STAMBP: variants seen among roughly 807,000 people sequenced by gnomAD.
The protein encoded by STAMBP is STAM binding protein, also known as STAM-binding protein.
A neutral mutation model predicts 50.7 loss-of-function variants in STAMBP; 31 were observed. The observed-to-expected ratio is 0.61, with a 90% CI of 0.46 to 0.83. STAMBP has a LOEUF of 0.83. Among genes scored for constraint, STAMBP ranks in the 40% least tolerant of loss-of-function variants. The pLI is 0.00. For synonymous variants in STAMBP, 211 were observed against 192.4 expected (o/e 1.10, Z -0.80); for missense variants, 472 against 518.9 (o/e 0.91, Z 0.88).
At chr2:73,843,692 A>G (rs560418204) in intron 2 of STAMBP, among the ~76,000 whole-genome samples, 14 of 152,334 alleles carry the variant, frequency 9.2e-5, no homozygotes, top group African/African-American at 3.1e-4. Context: ...TGTGCCTAAT[A>G]TAGAACTGAA....
intron 2 of STAMBP, among the ~76,000 whole-genome samples, chr2:73,839,099 A>T (rs1009262215): frequency 6.6e-6 from 1 of 152,236 alleles, no homozygotes; most frequent in Non-Finnish European, 1.5e-5. Context: ...ACTGAGAATC[A>T]TTGTTCTAGA....
chr2:73,842,232 T>C (rs1355032371), intron 2 of STAMBP, among the ~76,000 whole-genome samples: 1 of 152,104 alleles, frequency 6.6e-6, no homozygotes, highest in African/African-American at 2.4e-5. Flanking sequence ...AAAAGAAAAA[T>C]CCATTCCTGC....
intron 5 of STAMBP, 75 bp from the exon 6 acceptor site, chr2:73,849,287 AG>A (rs1453974851): frequency 6.2e-7 from 1 of 1,607,476 alleles, no homozygotes; most frequent in South Asian, 1.1e-5. Flanking sequence ...TTGCTCCTCC[AG>A]GGCTGCTGGC....
At chr2:73,854,823 A>G (rs1273872885) in intron 7 of STAMBP, among the ~76,000 whole-genome samples, 1 of 152,062 alleles carries the variant, frequency 6.6e-6, no homozygotes, top group Non-Finnish European at 1.5e-5. Flanking sequence ...CCTCATCTCT[A>G]TAAATTAAAA....
At chr2:73,852,693 T>G (rs1205633813) in intron 7 of STAMBP, among the ~76,000 whole-genome samples, 2 of 152,274 alleles carry the variant, frequency 1.3e-5, no homozygotes, top group African/African-American at 4.8e-5. Flanking sequence ...TTTTGTTTTG[T>G]TTTTGAGACG....
intron 2 of STAMBP, among the ~76,000 whole-genome samples, chr2:73,840,590 G>A (rs1461363559): frequency 2.6e-5 from 4 of 151,342 alleles, no homozygotes; most frequent in Non-Finnish European, 4.4e-5. Context: ...CTAAAAATAC[G>A]CAAATTAGCT....
At chr2:73,854,174 T>A (rs555727160) in intron 7 of STAMBP, among the ~76,000 whole-genome samples, 1 of 152,190 alleles carries the variant, frequency 6.6e-6, no homozygotes, top group Non-Finnish European at 1.5e-5. Flanking sequence ...CAAGACAAGA[T>A]TGAATGAACG....
At chr2:73,857,926 T>C (rs949031546) in intron 7 of STAMBP, among the ~76,000 whole-genome samples, 3 of 152,072 alleles carry the variant, frequency 2.0e-5, no homozygotes, top group Non-Finnish European at 4.4e-5. Flanking sequence ...CCTCTCTCAT[T>C]GTATCCTTCA....
downstream of STAMBP, among the ~76,000 whole-genome samples, chr2:73,867,395 T>C (rs946891317): frequency 1.3e-5 from 2 of 152,100 alleles, no homozygotes; most frequent in Admixed American, 6.5e-5. Context: ...AAATACAAAA[T>C]TAGCCAGATG....
chr2:73,836,625 C>T (rs1482370806), intron 2 of STAMBP, among the ~76,000 whole-genome samples: 2 of 152,362 alleles, frequency 1.3e-5, no homozygotes, highest in Non-Finnish European at 2.9e-5. Flanking sequence ...CTCCGCTTGG[C>T]CCGGCACTGC....
At chr2:73,852,733 G>A (rs1468369038) in intron 7 of STAMBP, among the ~76,000 whole-genome samples, 1 of 152,120 alleles carries the variant, frequency 6.6e-6, no homozygotes, top group Non-Finnish European at 1.5e-5. Flanking sequence ...AGGTTGGGGT[G>A]CAGTGGCGCA....
At chr2:73,843,406 G>GCATA (rs1553380271) in intron 2 of STAMBP, among the ~76,000 whole-genome samples, 9 of 129,962 alleles carry the variant, frequency 6.9e-5, no homozygotes, top group African/African-American at 2.3e-4. Context: ...GTTTGTGTAT[G>GCATA]TATATATATA....
Position 73,849,612 on chromosome 2 carries a change from T to G in STAMBP, c.867+125T>G, listed in dbSNP as rs539227467. ...CTCTTTGTACCAAGGAACCGTGGAC[T>G]GCATAATTTCATGTCACTTTGAATT... On this transcript the variant is annotated intron_variant, in intron 6 of 9. Coordinates refer to ENST00000394070, the MANE Select transcript of STAMBP (RefSeq NM_213622.4). The G allele has an allele frequency of 9.5e-6, 12 of 1,262,564 alleles. No homozygotes were observed. In the South Asian group the frequency reaches 1.7e-4, roughly 18 times the overall value. 78.2% of individuals were successfully genotyped at this position (1,262,564 alleles called of 1,614,324 possible). A position where few individuals can be genotyped will look rare whatever the true frequency, so the allele number is the denominator to read the frequency against.
rs1006072205 is a variant in STAMBP at position 73,832,108 on chromosome 2, T to TATATATATATATAC, written c.203+1050_203+1051insTATATATATATACA. ...ACATATATATATATATATATATATA[T>TATATATATATATAC]ACACATATATATGGTGCACAATTCA... On this transcript the variant is annotated intron_variant, in intron 2 of 9. Coordinates refer to ENST00000394070, the MANE Select transcript of STAMBP (RefSeq NM_213622.4). 3.8e-3 allele frequency among the ~76,000 whole-genome samples: 470 copies of TATATATATATATAC among 122,840 alleles called. 10 individuals are homozygous for TATATATATATATAC. Among genetic ancestry groups the TATATATATATATAC allele is most frequent in the African/African-American group, 8.7e-3 (249 of 28,514 alleles). 80.6% of individuals were successfully genotyped at this position (122,840 alleles called of 152,430 possible).
At chr2:73,855,622 G>C (rs1487821934) in intron 7 of STAMBP, 1 of 456,102 alleles carries the variant, frequency 2.2e-6, no homozygotes, top group East Asian at 6.9e-5. Context: ...TTCTCATCAG[G>C]TAGAAACTTT....
chr2:73,861,034 A>G (rs984168601), intron 9 of STAMBP, among the ~76,000 whole-genome samples: 7 of 152,238 alleles, frequency 4.6e-5, no homozygotes, highest in African/African-American at 1.7e-4. Flanking sequence ...AAATCTGTTC[A>G]AAAATAGATC....
chr2:73,849,246 C>T (rs1279731151), intron 5 of STAMBP, 117 bp from the exon 6 acceptor site: 3 of 1,495,302 alleles, frequency 2.0e-6, no homozygotes, highest in South Asian at 2.3e-5. Flanking sequence ...TACTCACTGC[C>T]TGAAGTTGGG....
Position 73,832,108 on chromosome 2 carries a change from T to TATATATATAC in STAMBP, c.203+1050_203+1051insTATATATACA, listed in dbSNP as rs1006072205. 1.2e-3 allele frequency among the ~76,000 whole-genome samples: 150 copies of TATATATATAC among 122,882 alleles called. 2 individuals carry two copies. Among genetic ancestry groups the TATATATATAC allele is most frequent in the African/African-American group, 3.2e-3 (90 of 28,536 alleles). 80.6% of individuals were successfully genotyped at this position (122,882 alleles called of 152,430 possible). On this transcript the variant is annotated intron_variant, in intron 2 of 9. Transcript: ENST00000394070. ...ACATATATATATATATATATATATA[T>TATATATATAC]ACACATATATATGGTGCACAATTCA...
intron 9 of STAMBP, 58 bp downstream of exon 9, chr2:73,860,209 G>A (rs1678175570): frequency 2.8e-6 from 4 of 1,434,874 alleles, no homozygotes; most frequent in African/African-American, 1.4e-5. Context: ...GACAGTCAGA[G>A]CTGATGAAAT....
Sources: allele counts gnomAD v4.1 joint callset (sites outside exome capture counted in the v4.1 genomes callset), GRCh38; gene constraint gnomAD v4.1.1; transcripts MANE v1.5; gene names NCBI Gene and HGNC (gene_info 2026-07-23, HGNC 2026-07-21).